The following MSRB3 variants were observed in gnomAD, a reference collection of about 807,000 sequenced individuals.
MSRB3 encodes methionine-R-sulfoxide reductase B3.
In MSRB3, 13 loss-of-function variants were observed where a neutral mutation model predicts 21.0. The observed-to-expected ratio is 0.62, with a 90% CI of 0.40 to 0.98. The LOEUF (loss-of-function observed/expected upper bound fraction) is 0.98. MSRB3 is among the 50% of genes least tolerant of loss of function. The pLI is 0.00. For missense variants in MSRB3, 199 were observed against 230.3 expected (o/e 0.86, Z 0.88); for synonymous variants, 87 against 88.6 (o/e 0.98, Z 0.10).
chr12:65,290,945 G>A (rs1453181841), intron 1 of MSRB3, among the ~76,000 whole-genome samples: 1 of 152,168 alleles, frequency 6.6e-6, no homozygotes, highest in African/African-American at 2.4e-5. Context: ...GGAAACTACT[G>A]ATTTTACCCA....
intron 5 of MSRB3, among the ~76,000 whole-genome samples, chr12:65,452,650 C>G (rs1194952524): frequency 6.6e-6 from 1 of 152,142 alleles, no homozygotes; most frequent in Admixed American, 6.5e-5. Flanking sequence ...ATACTATACT[C>G]TTGCATCGTG....
chr12:65,329,565 A>G (rs1439092814), intron 4 of MSRB3, among the ~76,000 whole-genome samples: 1 of 151,700 alleles, frequency 6.6e-6, no homozygotes, highest in East Asian at 1.9e-4. Flanking sequence ...CAGGAGAATC[A>G]CTTGAACCCA....
At chr12:65,367,426 CAGA>C (rs1338435213) in intron 4 of MSRB3, among the ~76,000 whole-genome samples, 1 of 152,178 alleles carries the variant, frequency 6.6e-6, no homozygotes, top group African/African-American at 2.4e-5. Context: ...GAAGCTTAAG[CAGA>C]AGGAAGAACA....
At chr12:65,456,122 A>G (rs1313275922) in intron 6 of MSRB3, among the ~76,000 whole-genome samples, 1 of 152,228 alleles carries the variant, frequency 6.6e-6, no homozygotes, top group Non-Finnish European at 1.5e-5. Context: ...GATGGCTTAC[A>G]TTAATTTGTA....
At chr12:65,393,516 C>T (rs772020020) in intron 5 of MSRB3, among the ~76,000 whole-genome samples, 2 of 151,070 alleles carry the variant, frequency 1.3e-5, no homozygotes, top group Non-Finnish European at 2.9e-5. Context: ...GCCTGTAATC[C>T]CAGCTACGGG....
chr12:65,407,173 C>T (rs1211307386), intron 5 of MSRB3, among the ~76,000 whole-genome samples: 1 of 152,102 alleles, frequency 6.6e-6, no homozygotes, highest in Non-Finnish European at 1.5e-5. Context: ...AGTCTATTGA[C>T]TTTTGACATA....
At chr12:65,363,811 C>A (rs1267386125) in intron 4 of MSRB3, among the ~76,000 whole-genome samples, 3 of 152,044 alleles carry the variant, frequency 2.0e-5, no homozygotes, top group South Asian at 2.1e-4. Context: ...CATGGTGAAA[C>A]CCCGTCTCTA....
intron 1 of MSRB3, among the ~76,000 whole-genome samples, chr12:65,297,096 A>G (rs1423804280): frequency 6.6e-6 from 1 of 152,228 alleles, no homozygotes; most frequent in Admixed American, 6.5e-5. Context: ...GGAAGCCATT[A>G]TCCTCAGCAA....
At chr12:65,342,220 A>T (rs1876193404) in intron 4 of MSRB3, among the ~76,000 whole-genome samples, 1 of 151,844 alleles carries the variant, frequency 6.6e-6, no homozygotes, top group Non-Finnish European at 1.5e-5. Flanking sequence ...AAAAACCAAC[A>T]GCAGTGGCAA....
At chr12:65,455,812 C>A (rs770347830) in intron 6 of MSRB3, among the ~76,000 whole-genome samples, 16 of 152,144 alleles carry the variant, frequency 1.1e-4, no homozygotes, top group Admixed American at 2.6e-4. Context: ...TCTTGGCTCA[C>A]GGCAACCTCC....
At chr12:65,285,908 A>C (rs1046347582) in intron 1 of MSRB3, 1 of 152,236 alleles carries the variant, frequency 6.6e-6, no homozygotes, top group African/African-American at 2.4e-5. Context: ...TTCTAGGTTT[A>C]TAAAAATAGT....
At chr12:65,455,827 G>A (rs924024814) in intron 6 of MSRB3, among the ~76,000 whole-genome samples, 1 of 151,966 alleles carries the variant, frequency 6.6e-6, no homozygotes, top group East Asian at 1.9e-4. Flanking sequence ...ACCTCCACCC[G>A]CCGAGCTCAA....
rs114518405 is a variant in MSRB3, at chr12:65,465,905, G to A, written c.*2583G>A. On this transcript the variant is annotated 3_prime_UTR_variant, in exon 7 of 7. Transcript: ENST00000308259. ...AAAGAAATAGGTCTCTCAGGGCTTT[G>A]CCACAGCCTCCAGCCCATCCTTCAG... 0.012 allele frequency: 1,895 copies of A among 152,268 alleles called. 47 individuals carry two copies. Among genetic ancestry groups the A allele is most frequent in the African/African-American group, 0.044 (1,812 of 41,508 alleles). The allele number at this position is 152,268 out of a possible 1,614,324, so 9.4% of individuals were successfully genotyped here.
chr12:65,297,841 C>A (rs2136405621), intron 1 of MSRB3, among the ~76,000 whole-genome samples: 1 of 152,138 alleles, frequency 6.6e-6, no homozygotes, highest in East Asian at 1.9e-4. Flanking sequence ...AATAAGAGGC[C>A]ATTACTTATG....
intron 5 of MSRB3, among the ~76,000 whole-genome samples, chr12:65,423,486 A>G (rs762224409): frequency 4.4e-4 from 67 of 152,152 alleles, no homozygotes; most frequent in Non-Finnish European, 8.8e-4. Flanking sequence ...AGCTTGTCAT[A>G]TATGGCCTTT....
chr12:65,280,043 T>G (rs1007628047), intron 1 of MSRB3, among the ~76,000 whole-genome samples: 2 of 152,164 alleles, frequency 1.3e-5, no homozygotes, highest in African/African-American at 4.8e-5. Flanking sequence ...TATTCAGTAC[T>G]CTCTGGTTTA....
At chr12:65,449,293 GAA>G (rs1882758955) in intron 5 of MSRB3, among the ~76,000 whole-genome samples, 1 of 151,498 alleles carries the variant, frequency 6.6e-6, no homozygotes, top group South Asian at 2.1e-4. Context: ...CCCCCAGAGT[GAA>G]TATTAAATAA....
At chr12:65,397,972 T>C (rs1879907278) in intron 5 of MSRB3, among the ~76,000 whole-genome samples, 1 of 152,220 alleles carries the variant, frequency 6.6e-6, no homozygotes, top group Non-Finnish European at 1.5e-5. Context: ...TATTCCATGA[T>C]GTATATGTGC....
At chr12:65,415,951 A>G (rs928893021) in intron 5 of MSRB3, among the ~76,000 whole-genome samples, 2 of 152,220 alleles carry the variant, frequency 1.3e-5, no homozygotes, top group Non-Finnish European at 2.9e-5. Flanking sequence ...CCACCAGATC[A>G]AAGTCCAGAG....
Sources: gnomAD v4.1 joint callset for allele counts (sites outside exome capture counted in the v4.1 genomes callset) on GRCh38, gnomAD v4.1.1 for gene constraint, MANE v1.5 for transcripts, NCBI Gene and HGNC (gene_info 2026-07-23, HGNC 2026-07-21) for gene names.